The following ABCA13 variants were observed in gnomAD, a reference collection of about 807,000 sequenced individuals.
The protein encoded by ABCA13 is ATP binding cassette subfamily A member 13.
ABCA13 carries 476 observed loss-of-function variants against 478.7 expected under a neutral mutation model. The observed-to-expected ratio is 0.99, with a 90% CI of 0.92 to 1.07. The LOEUF is 1.07. Among genes scored for constraint, ABCA13 ranks in the 50% least tolerant of loss-of-function variants. ABCA13 has a pLI of 0.00. For synonymous variants in ABCA13, 2,252 were observed against 2,158.9 expected, an observed-to-expected ratio of 1.04 and a Z score of -1.20; for missense variants, 6,060 against 5,910.6, an observed-to-expected ratio of 1.03 and a Z score of -0.83.
At chr7:48,200,092 C>T (rs1238575971) in intron 3 of ABCA13, among the ~76,000 whole-genome samples, 3 of 152,204 alleles carry the variant, frequency 2.0e-5, no homozygotes, top group Admixed American at 6.5e-5. Flanking sequence ...AGGCCAGGCA[C>T]GGTGGCTCAC....
intron 55 of ABCA13, among the ~76,000 whole-genome samples, chr7:48,557,324 T>C (rs1269010874): frequency 6.6e-6 from 1 of 152,166 alleles, no homozygotes; most frequent in Non-Finnish European, 1.5e-5. Context: ...TTATTGCTCA[T>C]GAACAACCTT....
chr7:48,366,912 G>C (rs1811761462), intron 31 of ABCA13, among the ~76,000 whole-genome samples: 1 of 152,056 alleles, frequency 6.6e-6, no homozygotes, highest in Non-Finnish European at 1.5e-5. Flanking sequence ...CCACCTTGCC[G>C]ACACACTGGA....
intron 15 of ABCA13, among the ~76,000 whole-genome samples, chr7:48,260,725 A>G (rs76018200): frequency 0.019 from 2,916 of 151,936 alleles, 85 homozygotes; most frequent in African/African-American, 0.067. Flanking sequence ...GTCTTCTTCT[A>G]TTTTTCCTGT....
chr7:48,221,653 G>A (rs981659548), intron 5 of ABCA13, among the ~76,000 whole-genome samples: 1 of 152,202 alleles, frequency 6.6e-6, no homozygotes, highest in African/African-American at 2.4e-5. Flanking sequence ...TGACTCCCTC[G>A]AGGCACGAAG....
At chr7:48,547,392 AAATGCTGCCTCTTCCATGCTATGTC>A (rs1563420891) in intron 55 of ABCA13, among the ~76,000 whole-genome samples, 1 of 151,928 alleles carries the variant, frequency 6.6e-6, no homozygotes, top group Non-Finnish European at 1.5e-5. Context: ...CTGTGAAAGA[AAATGCTGCCTCTTCCATGCTATGTC>A]TAAGATATGG....
intron 55 of ABCA13, among the ~76,000 whole-genome samples, chr7:48,539,307 G>C (rs1833807316): frequency 6.7e-6 from 1 of 149,690 alleles, no homozygotes; most frequent in Non-Finnish European, 1.5e-5. Context: ...ATAATAGCTG[G>C]TCTTTAGTCT....
At chr7:48,483,689 A>G (rs1046565101) in intron 47 of ABCA13, among the ~76,000 whole-genome samples, 1 of 152,184 alleles carries the variant, frequency 6.6e-6, no homozygotes, top group East Asian at 1.9e-4. Context: ...GCTTTGAGAG[A>G]ATGAGGACTG....
At chr7:48,239,448 T>G (rs1252409501) in intron 9 of ABCA13, 43 bp downstream of exon 9, 1 of 1,538,776 alleles carries the variant, frequency 6.5e-7, no homozygotes, top group Non-Finnish European at 8.8e-7. Context: ...GGTGTGCCAG[T>G]TTGAGTGTCC....
At chr7:48,602,080 T>G (rs944027103) in intron 58 of ABCA13, among the ~76,000 whole-genome samples, 5 of 152,346 alleles carry the variant, frequency 3.3e-5, no homozygotes, top group African/African-American at 1.2e-4. Context: ...GTTTCTTTTT[T>G]TCTTGTAAAT....
At chr7:48,540,659 C>G (rs1204189280) in intron 55 of ABCA13, among the ~76,000 whole-genome samples, 1 of 152,028 alleles carries the variant, frequency 6.6e-6, no homozygotes. Flanking sequence ...GTATTTTTGT[C>G]TCTTCTTTGA....
chr7:48,641,019 C>A (rs907415579), intron 59 of ABCA13, among the ~76,000 whole-genome samples: 1 of 151,952 alleles, frequency 6.6e-6, no homozygotes, highest in Non-Finnish European at 1.5e-5. Context: ...AATTCATGTT[C>A]TTCACAGTAA....
At position 48,298,425 on chromosome 7, in the gene ABCA13, T is replaced by C; in HGVS notation, c.9259T>C (p.Ser3087Pro). 3 of 1,613,374 alleles carry C rather than the reference T, an allele frequency of 1.9e-6. No individual in the cohort carries two copies. ...ITKLTEELRS[S>P]IQISNETIHS... ...CAAGTTGACTGAGGAGCTTCGCTCT[T>C]CCATCCAAATCTCGAATGAGACTAT... The change falls in exon 23 of 62, where the codon TCC (serine) becomes CCC (proline). Residue 3087 changes from serine to proline, a missense_variant. By Grantham distance (74) the Ser-to-Pro change is moderately conservative (BLOSUM62 -1). Coordinates refer to ENST00000435803, the MANE Select transcript of ABCA13 (RefSeq NM_152701.5).
In ABCA13 at chr7:48,241,058, T is replaced by C; in HGVS notation, c.1254T>C (p.Phe418=). The C allele has an allele frequency of 6.2e-7, 1 of 1,613,998 alleles. No homozygotes were observed. The highest frequency in any genetic ancestry group is 8.5e-7 in the Non-Finnish European group (1 of 1,179,882). ...SADGPKDNHT[F]PKILQHLWKL... is the part of the protein sequence containing the mutation. Reference sequence around the variant, plus strand: ...ATGGCCCAAAAGATAATCATACATTTCCAAAGATGTAAGTCGCATTTCCCT... The same window carrying C: ...ATGGCCCAAAAGATAATCATACATTCCCAAAGATGTAAGTCGCATTTCCCT... The change falls in exon 10 of 62, where the codon TTT becomes TTC. Residue 418 remains phenylalanine, a synonymous_variant. Transcript: ENST00000435803.
rs558121490 is a variant in ABCA13, at chr7:48,185,707, A to G, written c.70-7252A>G. ...TTATCTTTTGTTGATAATACAAATC[A>G]TATGTTATTTAAAAACACTTTTTTT... On this transcript the variant is annotated intron_variant, in intron 1 of 61. Coordinates refer to ENST00000435803, the MANE Select transcript of ABCA13 (RefSeq NM_152701.5). Among the ~76,000 whole-genome samples the G allele has an allele frequency of 1.1e-3, 165 of 152,254 alleles. 1 individual carries two copies. Among genetic ancestry groups the G allele is most frequent in the Non-Finnish European group, 1.6e-3 (111 of 67,996 alleles).
intron 43 of ABCA13, among the ~76,000 whole-genome samples, chr7:48,466,222 T>C (rs1467443732): frequency 6.6e-6 from 1 of 152,194 alleles, no homozygotes; most frequent in Admixed American, 6.5e-5. Context: ...GTCTTATAAT[T>C]GAGGTATAAA....
intron 47 of ABCA13, among the ~76,000 whole-genome samples, chr7:48,483,825 A>G (rs1829024299): frequency 6.6e-6 from 1 of 152,250 alleles, no homozygotes; most frequent in South Asian, 2.1e-4. Context: ...GATTCAAAGC[A>G]TTCAGTCTCC....
chr7:48,479,124 G>A (rs550621240), intron 45 of ABCA13, among the ~76,000 whole-genome samples: 1 of 150,316 alleles, frequency 6.7e-6, no homozygotes, highest in South Asian at 2.1e-4. Context: ...ATTTTTTTTT[G>A]TATTTTTAGT....
chr7:48,587,017 CAGG>C, intron 56 of ABCA13, 134 bp from the exon 57 acceptor site: 1 of 1,164,508 alleles, frequency 8.6e-7, no homozygotes, highest in Non-Finnish European at 1.2e-6. Flanking sequence ...GGGGATGTTT[CAGG>C]AGATGTACTT....
At chr7:48,599,489 A>T (rs1790654037) in intron 58 of ABCA13, among the ~76,000 whole-genome samples, 1 of 152,186 alleles carries the variant, frequency 6.6e-6, no homozygotes, top group African/African-American at 2.4e-5. Flanking sequence ...CTTGCTGGAT[A>T]AATGATTTGC....
Sources: allele counts gnomAD v4.1 joint callset (sites outside exome capture counted in the v4.1 genomes callset), GRCh38; gene constraint gnomAD v4.1.1; transcripts MANE v1.5; gene names NCBI Gene and HGNC (gene_info 2026-07-23, HGNC 2026-07-21).